BLACAT1: variants seen among roughly 807,000 people sequenced by gnomAD.
The protein encoded by BLACAT1 is BLACAT1 overlapping LEMD1 locus.
chr1:205,439,133 G>A (rs1158281695), downstream of BLACAT1, among the ~76,000 whole-genome samples: 2 of 152,190 alleles, frequency 1.3e-5, no homozygotes, highest in African/African-American at 4.8e-5. Context: ...CTGTATCAAG[G>A]TAACTTTTTC....
At chr1:205,452,324 T>C (rs2102480916) in intron 1 of BLACAT1, among the ~76,000 whole-genome samples, 1 of 152,278 alleles carries the variant, frequency 6.6e-6, no homozygotes, top group African/African-American at 2.4e-5. Flanking sequence ...ATGGCTCTGG[T>C]TGAGGCTAAG....
intron 1 of BLACAT1, among the ~76,000 whole-genome samples, chr1:205,445,009 G>A (rs1027963350): frequency 5.3e-5 from 8 of 151,860 alleles, no homozygotes; most frequent in South Asian, 2.1e-4. Context: ...TTAGCACCGC[G>A]TCTCAGTAAT....
At chr1:205,455,027 G>C (rs1283739925) in intron 1 of BLACAT1, among the ~76,000 whole-genome samples, 1 of 152,164 alleles carries the variant, frequency 6.6e-6, no homozygotes, top group Non-Finnish European at 1.5e-5. Context: ...GCCCTCTCCT[G>C]ACCAGCTCAG....
At position 205,450,523 on chromosome 1, in the gene BLACAT1, C is replaced by T. The variant is rs1287546948; in HGVS notation, c.-37+5394G>A. 1.3e-5 allele frequency among the ~76,000 whole-genome samples: 2 copies of T among 151,752 alleles called. No homozygotes were observed. The highest frequency in any genetic ancestry group is 2.9e-5 in the Non-Finnish European group (2 of 67,918). ...CTATTCTGCTCCCACCACTCCCCTG[C>T]CCTGGGAGGACAAGGTCAGCACTTA... On this transcript the variant is annotated intron_variant, in intron 1 of 1. Coordinates refer to ENST00000629624, the Ensembl canonical transcript of BLACAT1. The surrounding 1 kb of genome is among the most constrained non-coding windows in gnomAD (Gnocchi z 4.4).
In BLACAT1 at chr1:205,441,530, C is replaced by G; in HGVS notation, c.-36-468G>C. 6.6e-6 allele frequency among the ~76,000 whole-genome samples: 1 copy of G among 152,162 alleles called. No individual in the cohort carries two copies. The highest frequency in any genetic ancestry group is 1.9e-4 in the East Asian group (1 of 5,186). On this transcript the variant is annotated intron_variant, in intron 1 of 1. Transcript: ENST00000629624. This position sits in a 1 kb window ranked among gnomAD's most constrained non-coding sequence, Gnocchi z 4.3. ...GGCCCTCCTCCATCCAAATGCGGAC[C>G]CCTTCATCCAGTGTAGCTTTACTTT...
intron 1 of BLACAT1, among the ~76,000 whole-genome samples, chr1:205,444,107 A>G (rs1666342485): frequency 6.6e-6 from 1 of 152,050 alleles, no homozygotes; most frequent in South Asian, 2.1e-4. Context: ...ATCAGAGCTC[A>G]TCATGGGAAC....
At position 205,450,334 on chromosome 1, in the gene BLACAT1, CT is replaced by C. The variant is rs1264875656; in HGVS notation, c.-37+5582del. 6.6e-6 allele frequency among the ~76,000 whole-genome samples: 1 copy of C among 151,674 alleles called. No individual in the cohort carries two copies. The highest frequency in any genetic ancestry group is 1.5e-5 in the Non-Finnish European group (1 of 67,906). On this transcript the variant is annotated intron_variant, in intron 1 of 1. Coordinates refer to ENST00000629624, the Ensembl canonical transcript of BLACAT1. The surrounding 1 kb of genome is among the most constrained non-coding windows in gnomAD (Gnocchi z 4.4). ...GAGGGGCTGTTTGGTCCCTCCCTCC[CT>C]CCCCATCTCCTTTCTCTCCTTCCTT...
intron 1 of BLACAT1, among the ~76,000 whole-genome samples, chr1:205,451,730 G>A (rs932260902): frequency 6.6e-6 from 1 of 152,124 alleles, no homozygotes; most frequent in East Asian, 1.9e-4. Flanking sequence ...GAAAAAAGGC[G>A]AGAAGGGGAA....
At chr1:205,442,897 T>C (rs1333739153) in intron 1 of BLACAT1, among the ~76,000 whole-genome samples, 1 of 152,202 alleles carries the variant, frequency 6.6e-6, no homozygotes, top group East Asian at 1.9e-4. Flanking sequence ...TATTCCTGGC[T>C]CTGATGCTAA....
intron 1 of BLACAT1, among the ~76,000 whole-genome samples, chr1:205,454,804 A>G (rs778878877): frequency 1.3e-5 from 2 of 152,102 alleles, no homozygotes; most frequent in Non-Finnish European, 2.9e-5. Flanking sequence ...TTTTCCTCCA[A>G]AGTTAGCCCT....
chr1:205,454,478 A>G (rs1666537960), intron 1 of BLACAT1, among the ~76,000 whole-genome samples: 1 of 151,658 alleles, frequency 6.6e-6, no homozygotes, highest in East Asian at 1.9e-4. Context: ...AGGGGCCCTG[A>G]GTCTCAGAGA....
intron 1 of BLACAT1, among the ~76,000 whole-genome samples, chr1:205,447,662 G>A (rs1483947971): frequency 2.0e-5 from 3 of 151,962 alleles, no homozygotes; most frequent in Non-Finnish European, 4.4e-5. Context: ...GGCAGGGAGG[G>A]CTGGTGCCCT....
intron 1 of BLACAT1, among the ~76,000 whole-genome samples, chr1:205,452,269 A>G (rs1361299081): frequency 6.6e-6 from 1 of 152,202 alleles, no homozygotes; most frequent in Non-Finnish European, 1.5e-5. Flanking sequence ...AAGGGCACAC[A>G]GTCACCACCC....
intron 1 of BLACAT1, among the ~76,000 whole-genome samples, chr1:205,446,402 T>C (rs1333456830): frequency 6.6e-6 from 1 of 152,196 alleles, no homozygotes; most frequent in Non-Finnish European, 1.5e-5. Context: ...TTCTCCCAGT[T>C]CGTACTTCAT....
chr1:205,450,672 A>G lies in BLACAT1; in HGVS notation c.-37+5245T>C, dbSNP rs1666484553. Among the ~76,000 whole-genome samples, 1 of 152,062 alleles carries G rather than the reference A, an allele frequency of 6.6e-6. No individual in the cohort carries two copies. Among genetic ancestry groups the G allele is most frequent in the South Asian group, 2.1e-4 (1 of 4,832 alleles). ...ATCCCAGCTGCCTATCCCTGGGCACATGAAGGGCTCAGCCCCTGGCCTGCC... is the reference window on the plus strand; with the variant it reads ...ATCCCAGCTGCCTATCCCTGGGCACGTGAAGGGCTCAGCCCCTGGCCTGCC... On this transcript the variant is annotated intron_variant, in intron 1 of 1. Coordinates refer to ENST00000629624, the Ensembl canonical transcript of BLACAT1. The surrounding 1 kb of genome is among the most constrained non-coding windows in gnomAD (Gnocchi z 4.4).
In BLACAT1 at chr1:205,450,737, T is replaced by G. The variant is rs1470945455; in HGVS notation, c.-37+5180A>C. On this transcript the variant is annotated intron_variant, in intron 1 of 1. Transcript: ENST00000629624. This position sits in a 1 kb window ranked among gnomAD's most constrained non-coding sequence, Gnocchi z 4.4. ...CACCTGACAAGCCCCAAGTAAGCTG[T>G]GGAAGTAGGGCATCTCTCTCTAAGG... is the stretch of plus-strand genomic sequence containing the variant. 6.6e-6 allele frequency among the ~76,000 whole-genome samples: 1 copy of G among 152,022 alleles called. No homozygotes were observed. The highest frequency in any genetic ancestry group is 1.5e-5 in the Non-Finnish European group (1 of 67,990).
rs750669000 is a variant in BLACAT1 at position 205,448,661 on chromosome 1, A to G, written c.-37+7256T>C. ...TATGAGGAGGGGTGGCTTCCTGGCC[A>G]TAAAGGACCTCCTCAAATTCCCTTA... On this transcript the variant is annotated intron_variant, in intron 1 of 1. Transcript: ENST00000629624. The surrounding 1 kb of genome is among the most constrained non-coding windows in gnomAD (Gnocchi z 4.7). Among the ~76,000 whole-genome samples, 3 of 152,154 alleles carry G rather than the reference A, an allele frequency of 2.0e-5. No homozygotes were observed.
At chr1:205,435,558 T>G (rs7537336), downstream of BLACAT1, 107,718 of 152,116 alleles carry the variant, frequency 0.71, 39,173 homozygotes, top group East Asian at 0.92. Flanking sequence ...AGGGAAGTAC[T>G]GGTTTCAATT....
At chr1:205,440,679 C>T (rs1236374230) in exon 2 of BLACAT1, 2 of 152,540 alleles carry the variant, frequency 1.3e-5, no homozygotes, top group Non-Finnish European at 2.9e-5. Context: ...CCTGGGGTTC[C>T]CCCTTGTGTG....
Sources: allele counts gnomAD v4.1 joint callset (sites outside exome capture counted in the v4.1 genomes callset), GRCh38; gene constraint gnomAD v4.1.1; non-coding constraint Gnocchi (gnomAD v3.1); transcripts MANE v1.5; gene names NCBI Gene and HGNC (gene_info 2026-07-23, HGNC 2026-07-21).